RNF216: variants seen among roughly 807,000 people sequenced by gnomAD.
The protein encoded by RNF216 is ring finger protein 216.
Under a neutral mutation model 110.8 loss-of-function variants are expected in RNF216, and 72 were observed. That is an observed-to-expected ratio of 0.65 (90% CI 0.54 to 0.79). RNF216 has a LOEUF of 0.79. Among genes scored for constraint, RNF216 ranks in the 30% least tolerant of loss-of-function variants. RNF216 has a pLI of 0.00. For synonymous variants in RNF216, 495 were observed against 407.5 expected (o/e 1.21, Z -2.59); for missense variants, 1,342 against 1,141.2 (o/e 1.18, Z -2.54).
At chr7:5,739,612 T>C (rs1379766249) in intron 4 of RNF216, 3 of 560,156 alleles carry the variant, frequency 5.4e-6, no homozygotes, top group African/African-American at 1.8e-5. Flanking sequence ...TCAACAAATA[T>C]TGAGCATCTC....
At chr7:5,665,550 C>T (rs1789452987) in intron 13 of RNF216, among the ~76,000 whole-genome samples, 1 of 152,034 alleles carries the variant, frequency 6.6e-6, no homozygotes, top group Non-Finnish European at 1.5e-5. Context: ...GGTTTCTGTG[C>T]TAATGCTGCC....
chr7:5,663,451 G>C (rs921538964), intron 13 of RNF216, among the ~76,000 whole-genome samples: 1 of 152,046 alleles, frequency 6.6e-6, no homozygotes, highest in Admixed American at 6.5e-5. Context: ...AGGTGTGGTG[G>C]CGTTCGCCTG....
intron 2 of RNF216, among the ~76,000 whole-genome samples, chr7:5,754,119 G>GGTGTGTGTGTGTGTGTGTGT (rs10543449): frequency 7.0e-6 from 1 of 141,998 alleles, no homozygotes; most frequent in Non-Finnish European, 1.5e-5. Context: ...TCTTTTGTGT[G>GGTGTGTGTGTGTGTGTGTGT]GTGTGTGTGT....
At chr7:5,676,730 A>T (rs769105436) in intron 13 of RNF216, among the ~76,000 whole-genome samples, 10 of 152,244 alleles carry the variant, frequency 6.6e-5, no homozygotes, top group Non-Finnish European at 1.3e-4. Context: ...TTTCCGGCCT[A>T]ACAACTGGGA....
intron 13 of RNF216, among the ~76,000 whole-genome samples, chr7:5,654,455 G>C (rs888508948): frequency 2.0e-5 from 3 of 151,976 alleles, no homozygotes; most frequent in Non-Finnish European, 4.4e-5. Context: ...GGGAGGCCAA[G>C]GCAGGCAAAT....
chr7:5,669,704 G>C lies in RNF216; in HGVS notation c.2062-17194C>G, dbSNP rs1188677285. Among the ~76,000 whole-genome samples the C allele has an allele frequency of 8.5e-5, 13 of 152,244 alleles. 1 individual carries two copies. Among genetic ancestry groups the C allele is most frequent in the Non-Finnish European group, 2.9e-5 (2 of 68,018 alleles). ...GGTCAGGAGTTTTGAGACCAGCCTG[G>C]CCAACATGGCAAAACCCCATCTACT... On this transcript the variant is annotated intron_variant, in intron 13 of 16. Coordinates refer to ENST00000389902, the MANE Select transcript of RNF216 (RefSeq NM_207111.4).
At chr7:5,647,994 C>T (rs920642940) in intron 14 of RNF216, among the ~76,000 whole-genome samples, 7 of 152,072 alleles carry the variant, frequency 4.6e-5, no homozygotes, top group African/African-American at 1.4e-4. Flanking sequence ...TCATGGTGGG[C>T]CACCCAGACA....
intron 2 of RNF216, among the ~76,000 whole-genome samples, chr7:5,759,782 C>A (rs1294586518): frequency 6.6e-6 from 1 of 151,946 alleles, no homozygotes; most frequent in Non-Finnish European, 1.5e-5. Context: ...CAGGCATGCA[C>A]CACCACGCCC....
chr7:5,634,540 G>A (rs1378451009), intron 15 of RNF216, among the ~76,000 whole-genome samples: 2 of 152,220 alleles, frequency 1.3e-5, no homozygotes, highest in East Asian at 1.9e-4. Flanking sequence ...ATGCTGCGCA[G>A]CTGTGGCTGG....
At chr7:5,719,415 A>G (rs1793272799) in intron 9 of RNF216, among the ~76,000 whole-genome samples, 2 of 152,186 alleles carry the variant, frequency 1.3e-5, no homozygotes, top group South Asian at 4.1e-4. Flanking sequence ...ACTTTGGAAA[A>G]TTGTTGAGTC....
chr7:5,720,115 C>T (rs1012155823), intron 9 of RNF216, among the ~76,000 whole-genome samples: 6 of 152,220 alleles, frequency 3.9e-5, no homozygotes, highest in African/African-American at 1.4e-4. Flanking sequence ...CATGCCAAGG[C>T]ACCACTGCTT....
At chr7:5,764,132 A>C (rs1380549065) in intron 1 of RNF216, among the ~76,000 whole-genome samples, 1 of 151,818 alleles carries the variant, frequency 6.6e-6, no homozygotes, top group Non-Finnish European at 1.5e-5. Flanking sequence ...CAGAGGTTGT[A>C]GAGTAAGCTG....
chr7:5,763,092 G>A (rs1286662959), intron 1 of RNF216, among the ~76,000 whole-genome samples: 1 of 152,128 alleles, frequency 6.6e-6, no homozygotes, highest in East Asian at 1.9e-4. Flanking sequence ...TTGGGAAATG[G>A]ACTCATATGA....
chr7:5,677,254 C>T (rs548046155), intron 13 of RNF216, among the ~76,000 whole-genome samples: 24 of 152,196 alleles, frequency 1.6e-4, no homozygotes, highest in Non-Finnish European at 2.8e-4. Flanking sequence ...CAAGGAGTCG[C>T]TATCTGCTGT....
chr7:5,724,238 A>C (rs1023142400), intron 8 of RNF216, among the ~76,000 whole-genome samples: 1 of 152,222 alleles, frequency 6.6e-6, no homozygotes, highest in Admixed American at 6.5e-5. Flanking sequence ...GGAGAAGGGC[A>C]GTCAGGCTGA....
intron 14 of RNF216, among the ~76,000 whole-genome samples, chr7:5,647,270 G>C (rs1308866590): frequency 1.3e-5 from 2 of 150,490 alleles, no homozygotes; most frequent in African/African-American, 4.9e-5. Context: ...ACTAAAGTTT[G>C]GTGAACAATG....
chr7:5,692,201 TG>T (rs1228740897), intron 13 of RNF216, among the ~76,000 whole-genome samples: 1 of 152,204 alleles, frequency 6.6e-6, no homozygotes, highest in Non-Finnish European at 1.5e-5. Context: ...GGCAGCCAAA[TG>T]GGAATTTTTT....
chr7:5,626,197 C>G (rs1786691590), intron 15 of RNF216, among the ~76,000 whole-genome samples: 1 of 152,152 alleles, frequency 6.6e-6, no homozygotes, highest in African/African-American at 2.4e-5. Context: ...ATGAGGTCAT[C>G]TAGCCTCTTT....
chr7:5,768,346 TACACACACACACACACACACACAC>T (rs71004702), intron 1 of RNF216, among the ~76,000 whole-genome samples: 2 of 71,886 alleles, frequency 2.8e-5, no homozygotes, highest in East Asian at 3.6e-4. Context: ...GGCAGGCAAA[TACACACACACACACACACACACAC>T]ACACACACAC....
Sources: allele counts gnomAD v4.1 joint callset (sites outside exome capture counted in the v4.1 genomes callset), GRCh38; gene constraint gnomAD v4.1.1; transcripts MANE v1.5; gene names NCBI Gene and HGNC (gene_info 2026-07-23, HGNC 2026-07-21).